The following VSIG10 variants were observed in gnomAD, a reference collection of about 807,000 sequenced individuals.
The protein encoded by VSIG10 is V-set and immunoglobulin domain containing 10.
In VSIG10, 48 loss-of-function variants were observed where a neutral mutation model predicts 58.7. The observed-to-expected ratio is 0.82, with a 90% confidence interval of 0.65 to 1.04. The LOEUF is 1.04. VSIG10 is among the 50% of genes least tolerant of loss of function. VSIG10 has a pLI of 0.00. For missense variants in VSIG10, 628 were observed against 670.0 expected, an observed-to-expected ratio of 0.94 and a Z score of 0.69; for synonymous variants, 260 against 267.1, an observed-to-expected ratio of 0.97 and a Z score of 0.26.
chr12:118,084,480 A>G (rs2033058850), intron 2 of VSIG10, among the ~76,000 whole-genome samples: 1 of 152,192 alleles, frequency 6.6e-6, no homozygotes, highest in African/African-American at 2.4e-5. Context: ...TCACCTTTAT[A>G]GGCAAAATCA....
rs556583563 is a variant in VSIG10 at position 118,066,540 on chromosome 12, C to G, written c.*99G>C. On this transcript the variant is annotated 3_prime_UTR_variant, in exon 9 of 9. Transcript: ENST00000359236. ...CCCAAACATTGTTAGTGCAAGCCCCCGCCAGGGGTGCAGGTGGAGTCAAAG... is the reference window on the plus strand; with the variant it reads ...CCCAAACATTGTTAGTGCAAGCCCCGGCCAGGGGTGCAGGTGGAGTCAAAG... 8.7e-6 allele frequency: 12 copies of G among 1,385,446 alleles called. No homozygotes were observed. The highest frequency in any genetic ancestry group is 6.8e-5 in the Admixed American group (4 of 58,976). The allele number at this position is 1,385,446 out of a possible 1,614,324, so 85.8% of individuals were successfully genotyped here. A position where few individuals can be genotyped will look rare whatever the true frequency, so the allele number is the denominator to read the frequency against.
At chr12:118,071,584 G>T in intron 5 of VSIG10, 115 bp from the exon 6 acceptor site, 1 of 916,732 alleles carries the variant, frequency 1.1e-6, no homozygotes, top group Non-Finnish European at 1.8e-6. Flanking sequence ...CCTTGGGTAA[G>T]GCTTATGACC....
intron 1 of VSIG10, among the ~76,000 whole-genome samples, chr12:118,097,852 G>C (rs1344066617): frequency 6.6e-6 from 1 of 152,162 alleles, no homozygotes; most frequent in Non-Finnish European, 1.5e-5. Context: ...GAACCCGGGA[G>C]GCGGAGGTTG....
intron 2 of VSIG10, among the ~76,000 whole-genome samples, chr12:118,087,837 CAAAA>C (rs10654315): frequency 8.0e-5 from 5 of 62,588 alleles, no homozygotes; most frequent in African/African-American, 2.2e-4. Flanking sequence ...GATCCTGTCT[CAAAA>C]AAAAAAAAAA....
At position 118,065,008 on chromosome 12, in the gene VSIG10, A is replaced by G. The variant is rs971534002; in HGVS notation, c.*1631T>C. On this transcript the variant is annotated 3_prime_UTR_variant, in exon 9 of 9. Coordinates refer to ENST00000359236, the MANE Select transcript of VSIG10 (RefSeq NM_019086.6). ...TTTAGCAAACATCCATTGCACCCTT[A>G]TAAGGTCCTCGACTTTAAGAAATTT... 1 of 152,220 alleles carries G rather than the reference A, an allele frequency of 6.6e-6. No individual in the cohort carries two copies. Among genetic ancestry groups the G allele is most frequent in the East Asian group, 1.9e-4 (1 of 5,198 alleles). 9.4% of individuals were successfully genotyped at this position (152,220 alleles called of 1,614,324 possible).
intron 1 of VSIG10, chr12:118,103,271 T>TA (rs980130651): frequency 8.8e-3 from 2,175 of 246,116 alleles, no homozygotes; most frequent in Middle Eastern, 0.016. Flanking sequence ...ATCCGACGCT[T>TA]AAAAAAAAAA....
At chr12:118,102,068 C>G (rs1289332603) in intron 1 of VSIG10, 1 of 152,468 alleles carries the variant, frequency 6.6e-6, no homozygotes, top group South Asian at 2.1e-4. Context: ...AGTGATTGCA[C>G]CACTGCACTC....
chr12:118,097,234 C>T (rs929257686), intron 1 of VSIG10, among the ~76,000 whole-genome samples: 1 of 152,166 alleles, frequency 6.6e-6, no homozygotes, highest in Admixed American at 6.5e-5. Context: ...GCCATGAGCC[C>T]TGTTTTGGCC....
chr12:118,091,491 CAAA>C (rs34366147), intron 2 of VSIG10, among the ~76,000 whole-genome samples: 5 of 107,074 alleles, frequency 4.7e-5, no homozygotes, highest in Non-Finnish European at 7.8e-5. Flanking sequence ...GACTCTGTCT[CAAA>C]AAAAAAAAAA....
chr12:118,076,492 G>C (rs953250891), intron 4 of VSIG10, among the ~76,000 whole-genome samples: 1 of 151,780 alleles, frequency 6.6e-6, no homozygotes, highest in Non-Finnish European at 1.5e-5. Context: ...TTCAACATGA[G>C]ATTTGGGTGG....
At chr12:118,098,143 C>T (rs1433175207) in intron 1 of VSIG10, among the ~76,000 whole-genome samples, 2 of 152,136 alleles carry the variant, frequency 1.3e-5, no homozygotes, top group Non-Finnish European at 2.9e-5. Context: ...GATACAGAAC[C>T]CAAGTGGCTT....
chr12:118,086,238 G>A (rs954568701), intron 2 of VSIG10, among the ~76,000 whole-genome samples: 7 of 151,912 alleles, frequency 4.6e-5, no homozygotes, highest in South Asian at 2.1e-4. Context: ...GGAGGCAGGC[G>A]GATCACTTGA....
At position 118,079,474 on chromosome 12, in the gene VSIG10, A is replaced by AT. The variant is rs763739436; in HGVS notation, c.796dup (p.Ile266AsnfsTer51). 6.2e-7 allele frequency: 1 copy of AT among 1,613,974 alleles called. No homozygotes were observed. The highest frequency in any genetic ancestry group is 8.5e-7 in the Non-Finnish European group (1 of 1,179,898). On this transcript the variant is annotated frameshift_variant, in exon 4 of 9. Transcript: ENST00000359236. LOFTEE classifies it high-confidence loss of function. ...CACCCCCAGCTTTGACTTCCCCACG[A>AT]TTACACCTCCTGGCTCTTCTATCCA...
intron 7 of VSIG10, 140 bp from the exon 8 acceptor site, chr12:118,068,737 T>TG: frequency 8.9e-7 from 1 of 1,119,160 alleles, no homozygotes; most frequent in Non-Finnish European, 1.2e-6. Context: ...AATGAGGTGA[T>TG]GGTGTGGTAA....
intron 3 of VSIG10, among the ~76,000 whole-genome samples, chr12:118,081,920 G>T (rs1333008240): frequency 6.6e-6 from 1 of 152,012 alleles, no homozygotes; most frequent in African/African-American, 2.4e-5. Flanking sequence ...GGGAGGCTGA[G>T]GCAGGAGAAT....
chr12:118,091,060 G>A (rs376637888), intron 2 of VSIG10, among the ~76,000 whole-genome samples: 10 of 152,006 alleles, frequency 6.6e-5, no homozygotes, highest in African/African-American at 2.2e-4. Flanking sequence ...ACTTGAACCC[G>A]GGAAGCAGAG....
chr12:118,095,896 G>C, intron 1 of VSIG10, 82 bp from the exon 2 acceptor site: 3 of 1,235,914 alleles, frequency 2.4e-6, no homozygotes, highest in Non-Finnish European at 3.3e-6. Flanking sequence ...CCTGTATTAG[G>C]ATTTTTTTAA....
chr12:118,070,136 C>G (rs2032427169), intron 7 of VSIG10, among the ~76,000 whole-genome samples: 2 of 152,116 alleles, frequency 1.3e-5, no homozygotes, highest in Non-Finnish European at 2.9e-5. Context: ...GAGTACTCTG[C>G]TCCCACCCAG....
rs750355749 is a variant in VSIG10 at position 118,089,821 on chromosome 12, T to C, written c.361+5712A>G. 3.3e-5 allele frequency among the ~76,000 whole-genome samples: 5 copies of C among 152,132 alleles called. No individual in the cohort carries two copies. In the East Asian group the frequency reaches 9.7e-4, roughly 29 times the overall value. Reference sequence around the variant, plus strand: ...TCCTGCTGGTCTCCTTCCAAAATATTTTCCAAACCTGTGCATTTTCACCAA... The same window carrying C: ...TCCTGCTGGTCTCCTTCCAAAATATCTTCCAAACCTGTGCATTTTCACCAA... On this transcript the variant is annotated intron_variant, in intron 2 of 8. Coordinates refer to ENST00000359236, the MANE Select transcript of VSIG10 (RefSeq NM_019086.6).
Sources: gnomAD v4.1 joint callset for allele counts (sites outside exome capture counted in the v4.1 genomes callset) on GRCh38, gnomAD v4.1.1 for gene constraint, MANE v1.5 for transcripts, NCBI Gene and HGNC (gene_info 2026-07-23, HGNC 2026-07-21) for gene names.